GRID2: variants seen among roughly 807,000 people sequenced by gnomAD.
GRID2 encodes the protein glutamate receptor ionotropic, delta-2.
In GRID2, 33 loss-of-function variants were observed where a neutral mutation model predicts 114.8. The observed-to-expected ratio is 0.29, with a 90% CI of 0.22 to 0.38. The LOEUF (loss-of-function observed/expected upper bound fraction) is 0.38, where lower values mean the gene tolerates loss of function less well. Ranked by LOEUF, GRID2 falls within the 10% of genes least tolerant of loss-of-function variation. The probability of loss-of-function intolerance (pLI) is 1.00; values close to 1 mark genes in which losing one functional copy is unlikely to be tolerated. For synonymous variants in GRID2, 505 were observed against 449.9 expected (o/e 1.12, Z -1.55); for missense variants, 1,184 against 1,257.7 (o/e 0.94, Z 0.89).
chr4:93,346,634 A>G (rs893304162), intron 8 of GRID2, among the ~76,000 whole-genome samples: 1 of 152,292 alleles, frequency 6.6e-6, no homozygotes, highest in East Asian at 1.9e-4. Flanking sequence ...TTTAATGGCC[A>G]TGAAAATTGG....
chr4:93,248,031 G>C (rs1409314172), intron 8 of GRID2, among the ~76,000 whole-genome samples: 3 of 151,982 alleles, frequency 2.0e-5, no homozygotes, highest in African/African-American at 7.2e-5. Context: ...CACTCTACTA[G>C]AGAGCATCAA....
chr4:93,522,147 A>G (rs779959756), intron 13 of GRID2, among the ~76,000 whole-genome samples: 1 of 152,178 alleles, frequency 6.6e-6, no homozygotes, highest in Non-Finnish European at 1.5e-5. Flanking sequence ...CAGTCCATCC[A>G]TAGTAAGAGG....
chr4:93,477,756 G>T (rs1485021290), intron 11 of GRID2, among the ~76,000 whole-genome samples: 1 of 152,076 alleles, frequency 6.6e-6, no homozygotes, highest in Non-Finnish European at 1.5e-5. Flanking sequence ...TGATCAGACT[G>T]TCCAGTAGAA....
At chr4:92,925,953 TGTA>T (rs1180014691) in intron 2 of GRID2, among the ~76,000 whole-genome samples, 2 of 152,036 alleles carry the variant, frequency 1.3e-5, no homozygotes, top group African/African-American at 4.8e-5. Context: ...TGTGTGTTTT[TGTA>T]GTCACTACTT....
intron 4 of GRID2, among the ~76,000 whole-genome samples, chr4:93,184,363 C>T (rs1040968085): frequency 1.1e-4 from 16 of 152,118 alleles, no homozygotes; most frequent in African/African-American, 3.6e-4. Flanking sequence ...TGCCTGTGTC[C>T]GTGTACATTC....
In GRID2 at chr4:92,975,087, G is replaced by C. The variant is rs185698302; in HGVS notation, c.245-109908G>C. 2.1e-5 allele frequency among the ~76,000 whole-genome samples: 3 copies of C among 141,212 alleles called. No individual in the cohort carries two copies. The East Asian group carries it at 6.4e-4, about 30-fold the overall frequency. 92.6% of individuals were successfully genotyped at this position (141,212 alleles called of 152,430 possible). ...CAGGAGAATGGCGTGAACCCGGGGT[G>C]TGGAGCTTGCAGTGAGCAGAGATCG... On this transcript the variant is annotated intron_variant, in intron 2 of 15. Transcript: ENST00000282020.
At chr4:93,226,821 A>T (rs1221536235) in intron 7 of GRID2, among the ~76,000 whole-genome samples, 1 of 152,134 alleles carries the variant, frequency 6.6e-6, no homozygotes, top group African/African-American at 2.4e-5. Context: ...ATCCTTGGAA[A>T]CTTTAGTGGA....
chr4:92,458,138 A>C (rs1223108252), intron 1 of GRID2, among the ~76,000 whole-genome samples: 1 of 152,170 alleles, frequency 6.6e-6, no homozygotes, highest in Admixed American at 6.5e-5. Flanking sequence ...TTTTTATTCT[A>C]AAATAAGAAT....
At chr4:93,626,874 T>A (rs186084146) in intron 14 of GRID2, among the ~76,000 whole-genome samples, 2 of 152,266 alleles carry the variant, frequency 1.3e-5, no homozygotes, top group Non-Finnish European at 2.9e-5. Context: ...ATGACAGGGA[T>A]GTTTCCACCT....
At chr4:93,683,645 C>G (rs916329735) in intron 14 of GRID2, among the ~76,000 whole-genome samples, 2 of 152,022 alleles carry the variant, frequency 1.3e-5, no homozygotes, top group Admixed American at 6.6e-5. Flanking sequence ...AATTAGCATT[C>G]CAGTGTTTTA....
chr4:92,912,024 T>C (rs1034836796), intron 2 of GRID2, among the ~76,000 whole-genome samples: 1 of 151,882 alleles, frequency 6.6e-6, no homozygotes, highest in African/African-American at 2.4e-5. Context: ...TGGGGAATGA[T>C]AAGAATTTTT....
chr4:92,903,798 C>G (rs1331477523), intron 2 of GRID2, among the ~76,000 whole-genome samples: 2 of 151,836 alleles, frequency 1.3e-5, no homozygotes, highest in East Asian at 3.9e-4. Flanking sequence ...AGGCAAGAAT[C>G]AAGGCATTAG....
chr4:92,734,761 CT>C (rs978843865), intron 2 of GRID2, among the ~76,000 whole-genome samples: 11 of 145,524 alleles, frequency 7.6e-5, no homozygotes, highest in Non-Finnish European at 1.4e-4. Context: ...GGTTATATTT[CT>C]TTTTTTTAGT....
chr4:92,505,611 G>A (rs964960875), intron 1 of GRID2, among the ~76,000 whole-genome samples: 6 of 151,948 alleles, frequency 3.9e-5, no homozygotes, highest in Non-Finnish European at 2.9e-5. Flanking sequence ...TGTTAGGGGA[G>A]TGGAGGAGAG....
At chr4:93,058,214 C>T (rs1031509195) in intron 2 of GRID2, among the ~76,000 whole-genome samples, 1 of 150,850 alleles carries the variant, frequency 6.6e-6, no homozygotes, top group Non-Finnish European at 1.5e-5. Flanking sequence ...TTCATCTTTT[C>T]TCAAGCACTC....
At chr4:92,619,085 T>C (rs1479846138) in intron 2 of GRID2, among the ~76,000 whole-genome samples, 1 of 151,566 alleles carries the variant, frequency 6.6e-6, no homozygotes, top group Non-Finnish European at 1.5e-5. Context: ...TATCTAGGAG[T>C]TGCTTTTGAG....
chr4:93,279,077 A>C (rs1324443200), intron 8 of GRID2, among the ~76,000 whole-genome samples: 3 of 151,888 alleles, frequency 2.0e-5, no homozygotes, highest in Non-Finnish European at 4.4e-5. Flanking sequence ...CTGCATTTAT[A>C]AATTAATTAT....
At chr4:93,459,180 CAAAAAAAAAAAAAA>C (rs57937928) in intron 11 of GRID2, among the ~76,000 whole-genome samples, 4 of 50,030 alleles carry the variant, frequency 8.0e-5, no homozygotes, top group East Asian at 6.8e-4. Flanking sequence ...AACTCCATCT[CAAAAAAAAAAAAAA>C]AAAAAAAAAA....
intron 10 of GRID2, among the ~76,000 whole-genome samples, chr4:93,428,057 ACT>A (rs1201616266): frequency 1.3e-5 from 2 of 151,872 alleles, no homozygotes; most frequent in African/African-American, 4.8e-5. Flanking sequence ...AACAAAGATA[ACT>A]CTGAATTAGA....
Sources: allele counts gnomAD v4.1 joint callset (sites outside exome capture counted in the v4.1 genomes callset), GRCh38; gene constraint gnomAD v4.1.1; transcripts MANE v1.5; gene names NCBI Gene and HGNC (gene_info 2026-07-23, HGNC 2026-07-21).